Variants in METTL4 observed in about 807,000 individuals in gnomAD.
METTL4 encodes methyltransferase 4, N6-adenosine.
Under a neutral mutation model 54.0 loss-of-function variants are expected in METTL4, and 40 were observed. The observed-to-expected ratio is 0.74, with a 90% CI of 0.58 to 0.96. The LOEUF is 0.96. Ranked by LOEUF, METTL4 falls within the 50% of genes least tolerant of loss-of-function variation. The pLI, the probability that METTL4 is intolerant of heterozygous loss-of-function variation, is 0.00. For synonymous variants in METTL4, 169 were observed against 183.8 expected, an observed-to-expected ratio of 0.92 and a Z score of 0.65; for missense variants, 525 against 549.0, an observed-to-expected ratio of 0.96 and a Z score of 0.44.
chr18:2,548,992 T>A (rs1024271369), intron 5 of METTL4, among the ~76,000 whole-genome samples: 32 of 152,326 alleles, frequency 2.1e-4, no homozygotes, highest in African/African-American at 7.7e-4. Context: ...ACTCATCAAT[T>A]CTTTTACTCA....
In METTL4 at chr18:2,547,417, T is replaced by C. The variant is rs2072086339; in HGVS notation, c.1012A>G (p.Ile338Val). Reference protein sequence around the residue: ...VTNRQKHLRFIKEELYPSWSV... With the variant: ...VTNRQKHLRFVKEELYPSWSV... ...CAAGAGGGATAAAGTTCTTCCTTTATAAAACGTAGGTGCTTCTGTCTATTG... is the reference window on the plus strand; with the variant it reads ...CAAGAGGGATAAAGTTCTTCCTTTACAAAACGTAGGTGCTTCTGTCTATTG... Residue 338 changes from isoleucine (I) to valine (V), a missense_variant, in exon 6 of 9, where the codon ATA becomes GTA. By Grantham distance (29) the Ile-to-Val change is conservative. Coordinates refer to ENST00000574538, the MANE Select transcript of METTL4 (RefSeq NM_022840.5). 1 of 1,611,588 alleles carries C rather than the reference T, an allele frequency of 6.2e-7. No homozygotes were observed.
intron 2 of METTL4, 140 bp from the exon 3 acceptor site, chr18:2,563,999 C>G: frequency 1.8e-6 from 1 of 554,984 alleles, no homozygotes; most frequent in South Asian, 2.9e-5. Context: ...AGGTCAAAAT[C>G]AATGCAAAGG....
In METTL4 at chr18:2,539,130, TA is replaced by T; in HGVS notation, c.1288del (p.Tyr430ThrfsTer49). On this transcript the variant is annotated frameshift_variant, in exon 9 of 9. Transcript: ENST00000574538. LOFTEE classifies it high-confidence loss of function. Reference protein sequence around the residue: ...KPPLAEVLKDYIKPDGEYLEL... With the variant: ...KPPLAEVLKDXIKPDGEYLEL... ...CAAATATTCCCCATCTGGCTTGATG[TA>T]GTCTTTTAAAACCTCTGTTTAAAAA... is the stretch of plus-strand genomic sequence containing the variant. The T allele has an allele frequency of 6.2e-7, 1 of 1,613,532 alleles. No homozygotes were observed. Among genetic ancestry groups the T allele is most frequent in the Non-Finnish European group, 8.5e-7 (1 of 1,179,634 alleles).
chr18:2,549,050 C>T (rs2072113684), intron 5 of METTL4, among the ~76,000 whole-genome samples: 1 of 152,186 alleles, frequency 6.6e-6, no homozygotes, highest in Non-Finnish European at 1.5e-5. Context: ...GATCCCTTGA[C>T]CAAACTCTCT....
chr18:2,540,449 T>C, intron 8 of METTL4: 8 of 983,544 alleles, frequency 8.1e-6, no homozygotes, highest in Non-Finnish European at 9.7e-6. Flanking sequence ...ATATCAAATA[T>C]TTTAGGTTTC....
chr18:2,571,426 G>A lies in METTL4; in HGVS notation c.-716C>T, dbSNP rs770940582. On this transcript the variant is annotated 5_prime_UTR_variant, in exon 1 of 9. Transcript: ENST00000574538. ...AGTCTTCGTAGAGACGGCCACACTG[G>A]CCCACAGACCCCAGTTCCTGGGGTG... The A allele has an allele frequency of 1.3e-5, 2 of 152,230 alleles. No individual in the cohort carries two copies. Among genetic ancestry groups the A allele is most frequent in the Non-Finnish European group, 2.9e-5 (2 of 68,048 alleles). The allele number at this position is 152,230 out of a possible 1,614,324, so 9.4% of individuals were successfully genotyped here.
Position 2,544,302 on chromosome 18 carries a change from A to G in METTL4, c.1182-16T>C, listed in dbSNP as rs764238632. The G allele has an allele frequency of 6.4e-7, 1 of 1,573,416 alleles. No individual in the cohort carries two copies. The highest frequency in any genetic ancestry group is 1.9e-5 in the Admixed American group (1 of 54,016). On this transcript the variant is annotated splice_polypyrimidine_tract_variant and intron_variant, in intron 7 of 8. Coordinates refer to ENST00000574538, the MANE Select transcript of METTL4 (RefSeq NM_022840.5). Reference sequence around the variant, plus strand: ...ATCTGCATTCCTAATTAAACAGAACAAGAAAGTAAACTATATTTTAAAAAA... The same window carrying G: ...ATCTGCATTCCTAATTAAACAGAACGAGAAAGTAAACTATATTTTAAAAAA...
At chr18:2,549,907 T>A (rs561556353) in intron 5 of METTL4, among the ~76,000 whole-genome samples, 2 of 147,232 alleles carry the variant, frequency 1.4e-5, no homozygotes, top group Non-Finnish European at 3.0e-5. Context: ...GGCAGAAGAA[T>A]CACCTGAACC....
chr18:2,566,062 T>TAAATAAATA (rs2072411581), intron 2 of METTL4, among the ~76,000 whole-genome samples: 1 of 131,114 alleles, frequency 7.6e-6, no homozygotes, highest in Non-Finnish European at 1.7e-5. Context: ...AATAAATAAA[T>TAAATAAATA]AAATAAATAA....
chr18:2,539,775 C>A (rs992305013), intron 8 of METTL4: 2 of 943,636 alleles, frequency 2.1e-6, no homozygotes, highest in Non-Finnish European at 2.5e-6. Flanking sequence ...AGCCACCGCA[C>A]CCAGCCAATT....
At chr18:2,547,162 T>C (rs2072081687) in intron 6 of METTL4, among the ~76,000 whole-genome samples, 193 bp downstream of exon 6, 1 of 152,046 alleles carries the variant, frequency 6.6e-6, no homozygotes, top group African/African-American at 2.4e-5. Flanking sequence ...TGAGGCCCCA[T>C]TACAAAAAGA....
intron 5 of METTL4, among the ~76,000 whole-genome samples, chr18:2,548,459 A>G (rs556851264): frequency 1.8e-4 from 27 of 152,278 alleles, no homozygotes; most frequent in Non-Finnish European, 8.8e-5. Context: ...CATCCTCAAC[A>G]TATTCAATAA....
intron 2 of METTL4, among the ~76,000 whole-genome samples, chr18:2,565,185 A>T (rs576975757): frequency 6.7e-4 from 102 of 152,260 alleles, no homozygotes; most frequent in African/African-American, 2.4e-3. Flanking sequence ...AGGCTGAGAC[A>T]GGAGAATTGC....
intron 3 of METTL4, among the ~76,000 whole-genome samples, chr18:2,560,275 A>G (rs2072296871): frequency 6.6e-6 from 1 of 152,190 alleles, no homozygotes. Context: ...GAAAAGAGGA[A>G]AAAAGTAAAG....
In METTL4 at chr18:2,541,348, C is replaced by T. The variant is rs115114918; in HGVS notation, c.1274-2203G>A. Among the ~76,000 whole-genome samples, 890 of 152,254 alleles carry T rather than the reference C, an allele frequency of 5.8e-3. 5 individuals are homozygous for T. Among genetic ancestry groups the T allele is most frequent in the Middle Eastern group, 0.02 (6 of 294 alleles). On this transcript the variant is annotated intron_variant, in intron 8 of 8. Transcript: ENST00000574538. Reference sequence around the variant, plus strand: ...CACACTTTAACTAATGGAGCGGATGCAATCTGTGCACAGCTAGTCATTTCG... The same window carrying T: ...CACACTTTAACTAATGGAGCGGATGTAATCTGTGCACAGCTAGTCATTTCG...
Position 2,567,097 on chromosome 18 carries a change from AGT to A in METTL4, c.118_119del (p.Thr40TyrfsTer6). On this transcript the variant is annotated frameshift_variant, in exon 2 of 9. Coordinates refer to ENST00000574538, the MANE Select transcript of METTL4 (RefSeq NM_022840.5). LOFTEE classifies it high-confidence loss of function. Reference sequence around the variant, plus strand: ...GAAGAGACTCAAAGTGAACAGAAGTAGTGAACTCCTTTTTACGGCAACAAGGT... The same window carrying A: ...GAAGAGACTCAAAGTGAACAGAAGTAGAACTCCTTTTTACGGCAACAAGGT... Reference protein sequence around the residue: ...HEPCCRKKEFTTSVHFESLQM... With the variant: ...HEPCCRKKEFXTSVHFESLQM... 6.2e-7 allele frequency: 1 copy of A among 1,614,230 alleles called. No homozygotes were observed. The highest frequency in any genetic ancestry group is 8.5e-7 in the Non-Finnish European group (1 of 1,180,030).
At chr18:2,549,596 A>G (rs2072121598) in intron 5 of METTL4, among the ~76,000 whole-genome samples, 1 of 152,146 alleles carries the variant, frequency 6.6e-6, no homozygotes, top group African/African-American at 2.4e-5. Flanking sequence ...TGAAAAAAGT[A>G]AATGACTTCC....
chr18:2,563,865 G>A lies in METTL4; in HGVS notation c.397-6C>T. 1 of 1,601,792 alleles carries A rather than the reference G, an allele frequency of 6.2e-7. No homozygotes were observed. Among genetic ancestry groups the A allele is most frequent in the South Asian group, 1.1e-5 (1 of 88,562 alleles). Reference sequence around the variant, plus strand: ...ACAACACATCTTTTACGCTTCTAAAGGGTAGATCAATTACAGGGGAAAAGT... The same window carrying A: ...ACAACACATCTTTTACGCTTCTAAAAGGTAGATCAATTACAGGGGAAAAGT... On this transcript the variant is annotated splice_polypyrimidine_tract_variant and splice_region_variant and intron_variant, in intron 2 of 8. Transcript: ENST00000574538.
chr18:2,564,118 T>C (rs540027045), intron 2 of METTL4, among the ~76,000 whole-genome samples: 2 of 152,110 alleles, frequency 1.3e-5, no homozygotes, highest in East Asian at 3.9e-4. Context: ...TAAGAACTAG[T>C]TCTGGCCGGG....
Sources: gnomAD v4.1 joint callset for allele counts (sites outside exome capture counted in the v4.1 genomes callset) on GRCh38, gnomAD v4.1.1 for gene constraint, MANE v1.5 for transcripts, NCBI Gene and HGNC (gene_info 2026-07-23, HGNC 2026-07-21) for gene names.